The following NBAS variants were observed in gnomAD, a reference collection of about 807,000 sequenced individuals.
NBAS encodes NAG/BC035112 fusion.
Under a neutral mutation model 302.5 loss-of-function variants are expected in NBAS, and 219 were observed. The observed-to-expected ratio is 0.72, with a 90% CI of 0.65 to 0.81. The LOEUF is 0.81. Ranked by LOEUF, NBAS falls within the 30% of genes least tolerant of loss-of-function variation. NBAS has a pLI of 0.00. For synonymous variants in NBAS, 1,118 were observed against 1,021.6 expected (o/e 1.09, Z -1.80); for missense variants, 2,932 against 2,841.6 (o/e 1.03, Z -0.72).
the NBAS span, among the ~76,000 whole-genome samples, chr2:14,976,227 A>G: frequency 1.3e-5 from 2 of 152,196 alleles, no homozygotes; most frequent in Non-Finnish European, 2.9e-5. Flanking sequence ...GATGGAACCT[A>G]AGTAAAGAAT....
At chr2:15,003,977 T>C in the NBAS span, among the ~76,000 whole-genome samples, 2 of 152,204 alleles carry the variant, frequency 1.3e-5, no homozygotes, top group African/African-American at 4.8e-5. Context: ...CTCTCAGTTG[T>C]TTTCAGACAT....
chr2:15,044,350 C>T, the NBAS span, among the ~76,000 whole-genome samples: 1 of 152,212 alleles, frequency 6.6e-6, no homozygotes, highest in African/African-American at 2.4e-5. Context: ...GAACTCCCAG[C>T]TCAGAAACCC....
the NBAS span, among the ~76,000 whole-genome samples, chr2:15,083,930 G>A: frequency 2.0e-5 from 3 of 151,988 alleles, no homozygotes; most frequent in African/African-American, 4.8e-5. Context: ...CTGTGAAATG[G>A]AAACAAAAAT....
chr2:15,275,453 T>A (rs1283265916), intron 44 of NBAS, 31 bp downstream of exon 44: 4 of 1,601,632 alleles, frequency 2.5e-6, no homozygotes, highest in Non-Finnish European at 3.4e-6. Flanking sequence ...TCTACTGTGC[T>A]CAAACCACTT....
intron 32 of NBAS, among the ~76,000 whole-genome samples, chr2:15,361,321 T>C (rs2148326986): frequency 6.6e-6 from 1 of 152,282 alleles, no homozygotes; most frequent in South Asian, 2.1e-4. Context: ...AAGACCAGCC[T>C]GGCCAACATG....
chr2:15,412,476 T>G (rs1336705780), intron 25 of NBAS, among the ~76,000 whole-genome samples: 1 of 152,210 alleles, frequency 6.6e-6, no homozygotes. Context: ...CGTAAGCTAC[T>G]AAGATATAGA....
the NBAS span, among the ~76,000 whole-genome samples, chr2:15,015,132 A>G: frequency 1.3e-5 from 2 of 151,398 alleles, no homozygotes; most frequent in South Asian, 2.1e-4. Flanking sequence ...AGATTGAAAT[A>G]GTAATAAGAA....
At chr2:14,884,679 A>T in the NBAS span, among the ~76,000 whole-genome samples, 81 of 152,318 alleles carry the variant, frequency 5.3e-4, no homozygotes, top group African/African-American at 1.8e-3. Flanking sequence ...AGTGCTCTCC[A>T]TCAGGGAGCT....
the NBAS span, among the ~76,000 whole-genome samples, chr2:14,786,591 T>C: frequency 6.6e-6 from 1 of 152,196 alleles, no homozygotes; most frequent in African/African-American, 2.4e-5. Flanking sequence ...CCAGTAGTCA[T>C]TCAGGAGCAG....
rs1224897247 is a variant in NBAS, at chr2:15,309,258, A to G, written c.4583-11T>C. On this transcript the variant is annotated splice_polypyrimidine_tract_variant and intron_variant, in intron 38 of 51. Transcript: ENST00000281513. ...CTAGTTGCAAGAGAACTGAATGCAG[A>G]AAAAGAAACATTATTTTACTGAGGT... 1 of 1,603,536 alleles carries G rather than the reference A, an allele frequency of 6.2e-7. No homozygotes were observed. The highest frequency in any genetic ancestry group is 8.5e-7 in the Non-Finnish European group (1 of 1,171,910).
chr2:15,213,921 C>G (rs1666536924), intron 48 of NBAS, among the ~76,000 whole-genome samples: 1 of 152,230 alleles, frequency 6.6e-6, no homozygotes, highest in South Asian at 2.1e-4. Flanking sequence ...TTTCAAATCT[C>G]TTGCTCATAT....
At chr2:15,482,844 CTTG>C (rs1199738580) in intron 12 of NBAS, among the ~76,000 whole-genome samples, 1 of 152,078 alleles carries the variant, frequency 6.6e-6, no homozygotes, top group African/African-American at 2.4e-5. Flanking sequence ...ATGCTTTTCT[CTTG>C]TTAACCTGTC....
chr2:14,786,279 G>A, the NBAS span, among the ~76,000 whole-genome samples: 1 of 151,956 alleles, frequency 6.6e-6, no homozygotes, highest in Admixed American at 6.6e-5. Context: ...CCAGCTCCTG[G>A]ATTCATTGAT....
chr2:14,827,006 A>G, the NBAS span, among the ~76,000 whole-genome samples: 1 of 152,238 alleles, frequency 6.6e-6, no homozygotes, highest in South Asian at 2.1e-4. Flanking sequence ...GTTAAAGGTC[A>G]CATTGCACCC....
intron 32 of NBAS, among the ~76,000 whole-genome samples, chr2:15,364,790 G>A (rs1278259364): frequency 6.6e-6 from 1 of 152,050 alleles, no homozygotes. Flanking sequence ...ACGATCTGAT[G>A]AAATTTCATA....
At chr2:15,325,161 C>G (rs1389826172) in intron 38 of NBAS, among the ~76,000 whole-genome samples, 1 of 152,112 alleles carries the variant, frequency 6.6e-6, no homozygotes, top group African/African-American at 2.4e-5. Flanking sequence ...GAGAGGTATT[C>G]AAATTCACAT....
At chr2:15,031,035 T>C in the NBAS span, among the ~76,000 whole-genome samples, 1 of 152,228 alleles carries the variant, frequency 6.6e-6, no homozygotes. Flanking sequence ...GATTGGCTGC[T>C]ATGCGCCACT....
the NBAS span, among the ~76,000 whole-genome samples, chr2:15,145,340 G>A: frequency 2.0e-5 from 3 of 151,958 alleles, no homozygotes; most frequent in Admixed American, 6.6e-5. Flanking sequence ...ACCCAAGGAT[G>A]TTTAGGGCCA....
At chr2:15,380,926 C>A (rs1368770603) in intron 29 of NBAS, among the ~76,000 whole-genome samples, 3 of 89,492 alleles carry the variant, frequency 3.4e-5, no homozygotes, top group Non-Finnish European at 2.7e-5. Flanking sequence ...CATTTTTAGA[C>A]AAGTCTTGGT....
Sources: gnomAD v4.1 joint callset for allele counts (sites outside exome capture counted in the v4.1 genomes callset) on GRCh38, gnomAD v4.1.1 for gene constraint, MANE v1.5 for transcripts, NCBI Gene and HGNC (gene_info 2026-07-23, HGNC 2026-07-21) for gene names.